The following ERC1 variants were observed in gnomAD, a reference collection of about 807,000 sequenced individuals.
ERC1 encodes ELKS/RAB6-interacting/CAST family member 1.
In ERC1, 56 loss-of-function variants were observed where a neutral mutation model predicts 132.0. The observed-to-expected ratio is 0.42, with a 90% CI of 0.34 to 0.53. ERC1 has a LOEUF of 0.53. Among genes scored for constraint, ERC1 ranks in the 20% least tolerant of loss-of-function variants. ERC1 has a pLI of 0.03. For synonymous variants in ERC1, 478 were observed against 476.1 expected (o/e 1.00, Z -0.05); for missense variants, 1,202 against 1,349.9 (o/e 0.89, Z 1.72).
chr12:1,364,677 G>A (rs1294410932), intron 15 of ERC1, among the ~76,000 whole-genome samples: 1 of 152,184 alleles, frequency 6.6e-6, no homozygotes, highest in African/African-American at 2.4e-5. Context: ...AGCCTGAGGT[G>A]ATTTCTCTCT....
chr12:1,010,029 T>C (rs1964418804), intron 1 of ERC1, among the ~76,000 whole-genome samples: 1 of 152,230 alleles, frequency 6.6e-6, no homozygotes, highest in Non-Finnish European at 1.5e-5. Context: ...TCTAAATTTA[T>C]GATTTCTCCA....
At chr12:1,046,890 A>G (rs1971159408) in intron 2 of ERC1, among the ~76,000 whole-genome samples, 2 of 152,214 alleles carry the variant, frequency 1.3e-5, no homozygotes, top group Admixed American at 6.5e-5. Flanking sequence ...AGAGAAGGAA[A>G]TCAGAGACTT....
chr12:1,431,706 A>G (rs1451573062), intron 17 of ERC1, among the ~76,000 whole-genome samples: 1 of 152,214 alleles, frequency 6.6e-6, no homozygotes, highest in Non-Finnish European at 1.5e-5. Flanking sequence ...TATTCTTGAT[A>G]CAAGTACTTT....
chr12:998,401 C>T (rs918932593), intron 1 of ERC1: 2 of 152,172 alleles, frequency 1.3e-5, no homozygotes, highest in African/African-American at 2.4e-5. Context: ...CATCTCAAAG[C>T]GCTACTTGGG....
chr12:1,154,450 C>T (rs1301993331), intron 8 of ERC1, among the ~76,000 whole-genome samples: 1 of 151,454 alleles, frequency 6.6e-6, no homozygotes, highest in Non-Finnish European at 1.5e-5. Context: ...GACCCGAAAC[C>T]ATAAAAATTC....
chr12:1,055,058 A>G (rs937441979), intron 2 of ERC1, among the ~76,000 whole-genome samples: 15 of 152,200 alleles, frequency 9.9e-5, no homozygotes, highest in Non-Finnish European at 4.4e-5. Flanking sequence ...ACCTAAAACA[A>G]AACAAAACAA....
At chr12:1,384,009 A>T (rs1200459502) in intron 16 of ERC1, among the ~76,000 whole-genome samples, 1 of 152,186 alleles carries the variant, frequency 6.6e-6, no homozygotes, top group African/African-American at 2.4e-5. Flanking sequence ...AGAGCCGATC[A>T]TATCACTCCA....
chr12:1,324,384 C>G (rs2082313974), intron 15 of ERC1, among the ~76,000 whole-genome samples: 1 of 152,114 alleles, frequency 6.6e-6, no homozygotes, highest in Non-Finnish European at 1.5e-5. Context: ...AAGATTTTTG[C>G]TTTTTCATAG....
chr12:1,096,824 A>G (rs1046778184), intron 3 of ERC1, among the ~76,000 whole-genome samples: 71 of 152,234 alleles, frequency 4.7e-4, no homozygotes, highest in African/African-American at 1.7e-3. Flanking sequence ...GAACTTTCAC[A>G]GCCACCCAGA....
At chr12:1,034,182 T>C (rs1178751797) in intron 2 of ERC1, among the ~76,000 whole-genome samples, 1 of 152,172 alleles carries the variant, frequency 6.6e-6, no homozygotes, top group African/African-American at 2.4e-5. Flanking sequence ...ATTATCATAG[T>C]GTATCATATT....
chr12:1,265,679 A>G (rs777190828), intron 14 of ERC1, among the ~76,000 whole-genome samples: 1 of 152,206 alleles, frequency 6.6e-6, no homozygotes, highest in Admixed American at 6.5e-5. Flanking sequence ...AGTATTATAC[A>G]GAGTAGTTGC....
At chr12:1,179,459 T>C (rs906334461) in intron 8 of ERC1, among the ~76,000 whole-genome samples, 3 of 152,084 alleles carry the variant, frequency 2.0e-5, no homozygotes, top group African/African-American at 7.2e-5. Context: ...TGCATTTTCT[T>C]ACCATCTCAT....
At chr12:1,419,052 C>T (rs2154398912) in intron 17 of ERC1, among the ~76,000 whole-genome samples, 1 of 152,104 alleles carries the variant, frequency 6.6e-6, no homozygotes, top group Non-Finnish European at 1.5e-5. Flanking sequence ...TTACATAAAA[C>T]TTACAGTAAA....
rs146158532 is a variant in ERC1 at position 1,083,184 on chromosome 12, G to T, written c.690G>T (p.Gln230His). Residue 230 changes from glutamine to histidine, a missense_variant, in exon 3 of 19, where the codon CAG becomes CAT. Transcript: ENST00000360905. ...TCTAGCACATGCAGATGACAATCCA[G>T]GCTCTCCAGGATGAATTGCGGATCC... ...EENQHMQMTI[Q>H]ALQDELRIQR... 17 of 1,613,296 alleles carry T rather than the reference G, an allele frequency of 1.1e-5. No homozygotes were observed. In the African/African-American group the frequency reaches 2.1e-4, roughly 20 times the overall value.
intron 13 of ERC1, among the ~76,000 whole-genome samples, chr12:1,256,062 C>G (rs1214744925): frequency 6.6e-6 from 1 of 152,020 alleles, no homozygotes; most frequent in Non-Finnish European, 1.5e-5. Flanking sequence ...AGTGTCTGTT[C>G]ATATCCTTTG....
chr12:1,251,843 A>G (rs2076487893), intron 13 of ERC1, among the ~76,000 whole-genome samples: 1 of 152,192 alleles, frequency 6.6e-6, no homozygotes, highest in Non-Finnish European at 1.5e-5. Flanking sequence ...AAATTACATT[A>G]GGCACTAAAA....
intron 15 of ERC1, among the ~76,000 whole-genome samples, chr12:1,296,026 A>AAC (rs1566513642): frequency 4.0e-5 from 6 of 150,824 alleles, no homozygotes; most frequent in Non-Finnish European, 1.5e-5. Flanking sequence ...AAAAAAAAAA[A>AAC]CAACTAAATT....
rs146897598 is a variant in ERC1, at chr12:1,326,876, T to C, written c.2780+36864T>C. On this transcript the variant is annotated intron_variant, in intron 15 of 18. Coordinates refer to ENST00000360905, the MANE Select transcript of ERC1 (RefSeq NM_178040.4). ...AGTCACATTACTCCAGGCTCAATTA[T>C]AGACAGTTTGTGGGTTTTTTTTTTA... Among the ~76,000 whole-genome samples, 512 of 152,116 alleles carry C rather than the reference T, an allele frequency of 3.4e-3. 5 individuals carry two copies. Among genetic ancestry groups the C allele is most frequent in the African/African-American group, 0.012 (493 of 41,498 alleles).
intron 7 of ERC1, among the ~76,000 whole-genome samples, chr12:1,138,191 A>T: frequency 3.9e-5 from 4 of 102,942 alleles, no homozygotes; most frequent in Non-Finnish European, 7.1e-5. Context: ...TATATCATAT[A>T]TAATTATATA....
Sources: allele counts gnomAD v4.1 joint callset (sites outside exome capture counted in the v4.1 genomes callset), GRCh38; gene constraint gnomAD v4.1.1; transcripts MANE v1.5; gene names NCBI Gene and HGNC (gene_info 2026-07-23, HGNC 2026-07-21).